The following CRACR2A variants were observed in gnomAD, a reference collection of about 807,000 sequenced individuals.
CRACR2A encodes the protein EF-hand calcium-binding domain-containing protein 4B.
A neutral mutation model predicts 90.5 loss-of-function variants in CRACR2A; 79 were observed. That is an observed-to-expected ratio of 0.87 (90% CI 0.73 to 1.05). CRACR2A has a LOEUF of 1.05. Among genes scored for constraint, CRACR2A ranks in the 50% least tolerant of loss-of-function variants. The pLI, the probability that CRACR2A is intolerant of heterozygous loss-of-function variation, is 0.00. For synonymous variants in CRACR2A, 338 were observed against 356.7 expected (o/e 0.95, Z 0.59); for missense variants, 823 against 897.2 (o/e 0.92, Z 1.06).
intron 4 of CRACR2A, among the ~76,000 whole-genome samples, chr12:3,680,836 C>T (rs950485828): frequency 2.0e-5 from 3 of 152,206 alleles, no homozygotes; most frequent in Non-Finnish European, 2.9e-5. Context: ...ATAATACTCA[C>T]ACAGCATGGT....
intron 18 of CRACR2A, among the ~76,000 whole-genome samples, chr12:3,617,925 C>A (rs1867723687): frequency 6.6e-6 from 1 of 152,178 alleles, no homozygotes; most frequent in Non-Finnish European, 1.5e-5. Flanking sequence ...CCCTTTTCAC[C>A]CAGCCCCATG....
intron 2 of CRACR2A, chr12:3,730,613 T>C (rs1169877723): frequency 1.3e-5 from 2 of 152,182 alleles, no homozygotes; most frequent in Non-Finnish European, 2.9e-5. Context: ...TGGGATACTA[T>C]GCCCCTGTAA....
chr12:3,661,540 G>T (rs1945037809), intron 7 of CRACR2A, among the ~76,000 whole-genome samples: 1 of 152,162 alleles, frequency 6.6e-6, no homozygotes, highest in Non-Finnish European at 1.5e-5. Context: ...ACCAATGTTT[G>T]GGATTGTTAC....
At chr12:3,641,213 G>C (rs527745620) in intron 13 of CRACR2A, among the ~76,000 whole-genome samples, 1 of 152,098 alleles carries the variant, frequency 6.6e-6, no homozygotes, top group Non-Finnish European at 1.5e-5. Context: ...GCGTGGTGGC[G>C]CACCTCTGTA....
intron 4 of CRACR2A, among the ~76,000 whole-genome samples, chr12:3,692,633 C>T (rs568988111): frequency 1.6e-4 from 24 of 152,158 alleles, no homozygotes; most frequent in South Asian, 4.1e-4. Flanking sequence ...CTTCTTTGTA[C>T]GTGCCAACAG....
intron 4 of CRACR2A, 77 bp downstream of exon 4, chr12:3,696,695 C>T: frequency 6.9e-6 from 11 of 1,593,396 alleles, no homozygotes; most frequent in Non-Finnish European, 9.4e-6. Context: ...TGTCACCTCC[C>T]ACGGGGCAAG....
At chr12:3,648,268 C>A in intron 11 of CRACR2A, 1 of 1,355,034 alleles carries the variant, frequency 7.4e-7, no homozygotes, top group East Asian at 2.6e-5. Flanking sequence ...AGATCAAGTA[C>A]CAAGCACAGT....
chr12:3,746,032 CCT>C lies in CRACR2A; in HGVS notation c.-387+6981_-387+6982del, dbSNP rs1366359178. On this transcript the variant is annotated intron_variant, in intron 1 of 19. Coordinates refer to ENST00000440314, the MANE Select transcript of CRACR2A (RefSeq NM_001144958.2). This position sits in a 1 kb window ranked among gnomAD's most constrained non-coding sequence, Gnocchi z 4.4. ...GAGGGGGTGAAGGGCTGTTCCTGTGCCTCAGGGCCCTGTGCTGTAAATGCTTC... is the reference window on the plus strand; with the variant it reads ...GAGGGGGTGAAGGGCTGTTCCTGTGCCAGGGCCCTGTGCTGTAAATGCTTC... Among the ~76,000 whole-genome samples, 4 of 151,998 alleles carry C rather than the reference CCT, an allele frequency of 2.6e-5. No individual in the cohort carries two copies. The highest frequency in any genetic ancestry group is 9.7e-5 in the African/African-American group (4 of 41,384).
At chr12:3,737,194 G>A (rs1427739571) in intron 1 of CRACR2A, among the ~76,000 whole-genome samples, 1 of 152,142 alleles carries the variant, frequency 6.6e-6, no homozygotes, top group Non-Finnish European at 1.5e-5. Context: ...TCCACGGGGT[G>A]AATAGGAGCA....
intron 4 of CRACR2A, among the ~76,000 whole-genome samples, chr12:3,681,634 G>A (rs1330815147): frequency 6.6e-6 from 1 of 152,230 alleles, no homozygotes; most frequent in South Asian, 2.1e-4. Flanking sequence ...AGCGGTAACC[G>A]TGCGAAATTG....
At chr12:3,648,414 G>A in intron 11 of CRACR2A, 128 bp downstream of exon 11, 2 of 1,580,798 alleles carry the variant, frequency 1.3e-6, no homozygotes, top group Non-Finnish European at 1.7e-6. Context: ...GGGACCAAGG[G>A]AATTGAGGGC....
At chr12:3,673,391 G>A in intron 7 of CRACR2A, 55 bp downstream of exon 7, 1 of 1,567,532 alleles carries the variant, frequency 6.4e-7, no homozygotes, top group Non-Finnish European at 8.6e-7. Flanking sequence ...AGTGCACCGT[G>A]TGTCTCTCTT....
At chr12:3,656,463 G>T in intron 8 of CRACR2A, 57 bp from the exon 9 acceptor site, 1 of 1,559,654 alleles carries the variant, frequency 6.4e-7, no homozygotes. Context: ...CCGGGTTATA[G>T]ATTTTTTTTT....
intron 4 of CRACR2A, among the ~76,000 whole-genome samples, chr12:3,695,799 C>A (rs186148749): frequency 1.1e-4 from 16 of 152,354 alleles, no homozygotes; most frequent in Non-Finnish European, 1.9e-4. Context: ...TCAAAGTACT[C>A]TAGTGAAGTC....
intron 15 of CRACR2A, among the ~76,000 whole-genome samples, chr12:3,628,746 G>A (rs926980172): frequency 5.3e-5 from 8 of 152,180 alleles, no homozygotes; most frequent in Non-Finnish European, 1.0e-4. Context: ...GGCATCTCCC[G>A]CAACCTTCAG....
intron 10 of CRACR2A, among the ~76,000 whole-genome samples, chr12:3,650,522 C>T (rs1051868147): frequency 1.3e-5 from 2 of 152,184 alleles, no homozygotes; most frequent in South Asian, 4.1e-4. Flanking sequence ...AACTGGGTCT[C>T]TAAACCCCTG....
chr12:3,644,767 A>C (rs1447311176), intron 11 of CRACR2A, 127 bp from the exon 12 acceptor site: 8 of 798,486 alleles, frequency 1.0e-5, no homozygotes, highest in African/African-American at 1.7e-5. Context: ...AGTCTGTGGA[A>C]TCTCCTTCCA....
At chr12:3,747,124 G>A (rs994361057) in intron 1 of CRACR2A, among the ~76,000 whole-genome samples, 8 of 152,208 alleles carry the variant, frequency 5.3e-5, no homozygotes, top group Admixed American at 2.6e-4. Flanking sequence ...GCTGTGGAAC[G>A]CTTGAGGACT....
intron 3 of CRACR2A, among the ~76,000 whole-genome samples, chr12:3,702,230 T>C (rs1280636483): frequency 6.6e-6 from 1 of 152,190 alleles, no homozygotes; most frequent in African/African-American, 2.4e-5. Flanking sequence ...GTTTTGCTCC[T>C]GGGGTCAAGA....
Sources: allele counts gnomAD v4.1 joint callset (sites outside exome capture counted in the v4.1 genomes callset), GRCh38; gene constraint gnomAD v4.1.1; non-coding constraint Gnocchi (gnomAD v3.1); transcripts MANE v1.5; gene names NCBI Gene and HGNC (gene_info 2026-07-23, HGNC 2026-07-21).